TMEM165: variants seen among roughly 807,000 people sequenced by gnomAD.
The protein encoded by TMEM165 is putative divalent cation/proton antiporter TMEM165.
Under a neutral mutation model 30.0 loss-of-function variants are expected in TMEM165, and 19 were observed. The observed-to-expected ratio is 0.63, with a 90% CI of 0.44 to 0.93. TMEM165 has a LOEUF of 0.93. Ranked by LOEUF, TMEM165 falls within the 40% of genes least tolerant of loss-of-function variation. TMEM165 has a pLI of 0.00. For synonymous variants in TMEM165, 168 were observed against 162.9 expected (o/e 1.03, Z -0.24); for missense variants, 340 against 417.0 (o/e 0.82, Z 1.61).
downstream of TMEM165, among the ~76,000 whole-genome samples, chr4:55,426,976 G>A (rs563393079): frequency 1.0e-3 from 159 of 152,128 alleles, no homozygotes; most frequent in Admixed American, 4.6e-3. Context: ...TGGTTAGACA[G>A]TCTATATTGC....
At chr4:55,397,811 G>A (rs540621307) in intron 1 of TMEM165, among the ~76,000 whole-genome samples, 20 of 151,710 alleles carry the variant, frequency 1.3e-4, no homozygotes, top group African/African-American at 4.6e-4. Flanking sequence ...CAGTGGCCCC[G>A]TCTTGGCTCA....
chr4:55,452,885 T>C, exon 4 of TMEM165: 2 of 527,254 alleles, frequency 3.8e-6, no homozygotes, highest in South Asian at 5.2e-5. Flanking sequence ...TAGAGGCAGG[T>C]GAGACTCTAA....
intron 5 of TMEM165, among the ~76,000 whole-genome samples, chr4:55,425,045 T>C (rs1722137415): frequency 6.6e-6 from 1 of 152,222 alleles, no homozygotes; most frequent in South Asian, 2.1e-4. Context: ...GTCTCTTTGC[T>C]AGTCAGAAGA....
At chr4:55,426,362 A>G (rs1341719050), downstream of TMEM165, among the ~76,000 whole-genome samples, 4 of 152,210 alleles carry the variant, frequency 2.6e-5, no homozygotes, top group African/African-American at 9.6e-5. Flanking sequence ...ATATAAGGTT[A>G]AAAAAGAAAA....
Position 55,396,457 on chromosome 4 carries a change from C to G in TMEM165, c.207+61C>G, listed in dbSNP as rs183029601. ...GGCCGGCTGCGCCGAGTACCAGGCT[C>G]CAGGCCTTTGAAAGCGCCGCACTCC... On this transcript the variant is annotated intron_variant, in intron 1 of 5. Transcript: ENST00000381334. The G allele has an allele frequency of 3.7e-3, 4,822 of 1,312,074 alleles. 11 individuals carry two copies. Among genetic ancestry groups the G allele is most frequent in the Admixed American group, 4.6e-3 (113 of 24,588 alleles). The allele number at this position is 1,312,074 out of a possible 1,614,324, so 81.3% of individuals were successfully genotyped here.
intron 1 of TMEM165, among the ~76,000 whole-genome samples, chr4:55,409,104 A>G (rs914164025): frequency 2.6e-5 from 4 of 152,172 alleles, no homozygotes; most frequent in Non-Finnish European, 5.9e-5. Flanking sequence ...GAGAGAAAGC[A>G]AGAAGCCCTT....
chr4:55,407,500 G>A (rs1298751900), intron 1 of TMEM165, among the ~76,000 whole-genome samples: 2 of 152,126 alleles, frequency 1.3e-5, no homozygotes, highest in African/African-American at 4.8e-5. Flanking sequence ...GATATATTGG[G>A]TTAAGTAAAA....
chr4:55,440,983 AAACAC>A (rs978056241), intron 3 of TMEM165, among the ~76,000 whole-genome samples: 9 of 142,232 alleles, frequency 6.3e-5, no homozygotes, highest in South Asian at 4.4e-4. Context: ...AAACAAAACA[AAACAC>A]AACACAACAA....
At chr4:55,407,576 TTA>T (rs1721320650) in intron 1 of TMEM165, among the ~76,000 whole-genome samples, 1 of 152,230 alleles carries the variant, frequency 6.6e-6, no homozygotes, top group South Asian at 2.1e-4. Context: ...TAAAATTGTA[TTA>T]TGTGGCCTAC....
intron 3 of TMEM165, chr4:55,450,058 A>G (rs1011674957): frequency 1.2e-6 from 2 of 1,613,248 alleles, no homozygotes; most frequent in African/African-American, 2.7e-5. Context: ...TAGTTACTTT[A>G]AAGGAAGTCT....
At chr4:55,424,389 C>CT (rs1722112340) in intron 4 of TMEM165, 149 bp from the exon 5 acceptor site, 3 of 590,090 alleles carry the variant, frequency 5.1e-6, no homozygotes, top group Non-Finnish European at 9.2e-6. Flanking sequence ...GCCATTACAC[C>CT]TCTCATAAAT....
At chr4:55,404,344 A>T (rs982071802) in intron 1 of TMEM165, among the ~76,000 whole-genome samples, 2 of 151,660 alleles carry the variant, frequency 1.3e-5, no homozygotes, top group Admixed American at 6.6e-5. Flanking sequence ...TATAAACCAA[A>T]CTTCTAACTA....
In TMEM165 at chr4:55,411,609, TCCAGAA is replaced by T; in HGVS notation, c.208-4_209del. 1.2e-6 allele frequency: 2 copies of T among 1,600,226 alleles called. No homozygotes were observed. Among genetic ancestry groups the T allele is most frequent in the Admixed American group, 1.7e-5 (1 of 57,188 alleles). ...TTTAAGAAGTAACTGATTTTTTTTT[TCCAGAA>T]AATATTTACACCAGCAGCTCCAGTT... On this transcript the variant is annotated splice_acceptor_variant and splice_polypyrimidine_tract_variant and coding_sequence_variant and intron_variant, in exon 2 of 6. Coordinates refer to ENST00000381334, the MANE Select transcript of TMEM165 (RefSeq NM_018475.5). LOFTEE classifies it high-confidence loss of function.
In TMEM165 at chr4:55,425,395, C is replaced by T. The variant is rs770581189; in HGVS notation, c.918C>T (p.Ile306=). 55 of 1,613,620 alleles carry T rather than the reference C, an allele frequency of 3.4e-5. No individual in the cohort carries two copies. The highest frequency in any genetic ancestry group is 1.6e-4 in the Middle Eastern group (1 of 6,082). The change falls in exon 6 of 6, where the codon ATC becomes ATT. Residue 306 remains isoleucine (I), a synonymous_variant. Transcript: ENST00000381334. ...SVRTVTIIGG[I]VFLAFAFSAL... ...TTCCAGTGACAATCATAGGAGGCAT[C>T]GTTTTTTTGGCGTTTGCATTTTCTG...
intron 3 of TMEM165, chr4:55,449,988 C>G: frequency 7.2e-7 from 1 of 1,383,094 alleles, no homozygotes; most frequent in South Asian, 1.2e-5. Flanking sequence ...AATGTAAAAA[C>G]TTATAATTTT....
At chr4:55,433,913 A>AT (rs1722685333) in intron 3 of TMEM165, 1 of 152,216 alleles carries the variant, frequency 6.6e-6, no homozygotes, top group Non-Finnish European at 1.5e-5. Context: ...TCAAGATCAT[A>AT]TTGAGCAAAT....
chr4:55,403,685 A>G (rs1721143249), intron 1 of TMEM165, among the ~76,000 whole-genome samples: 1 of 152,210 alleles, frequency 6.6e-6, no homozygotes, highest in African/African-American at 2.4e-5. Flanking sequence ...CTAGTATCTC[A>G]TTACTTACCA....
At chr4:55,442,363 A>C in intron 3 of TMEM165, 1 of 1,381,850 alleles carries the variant, frequency 7.2e-7, no homozygotes, top group East Asian at 2.3e-5. Flanking sequence ...TTGATTAAGA[A>C]ATCAAATTAT....
intron 3 of TMEM165, among the ~76,000 whole-genome samples, chr4:55,449,075 C>A (rs1017823044): frequency 2.0e-5 from 3 of 151,934 alleles, no homozygotes; most frequent in African/African-American, 7.3e-5. Flanking sequence ...TCCTACAGTA[C>A]CTTGAACAAG....
Sources: gnomAD v4.1 joint callset for allele counts (sites outside exome capture counted in the v4.1 genomes callset) on GRCh38, gnomAD v4.1.1 for gene constraint, MANE v1.5 for transcripts, NCBI Gene and HGNC (gene_info 2026-07-23, HGNC 2026-07-21) for gene names.